Variants in CSMD1 observed in about 807,000 individuals in gnomAD.
CSMD1 encodes the protein CUB and sushi domain-containing protein 1.
A neutral mutation model predicts 417.5 loss-of-function variants in CSMD1; 213 were observed. That is an observed-to-expected ratio of 0.51 (90% confidence interval 0.46 to 0.57). CSMD1 has a LOEUF of 0.57. CSMD1 is among the 20% of genes least tolerant of loss of function. The pLI, the probability that CSMD1 is intolerant of heterozygous loss-of-function variation, is 0.00. For missense variants in CSMD1, 6,923 were observed against 4,529.7 expected (o/e 1.53, Z -15.17); for synonymous variants, 2,862 against 1,736.8 (o/e 1.65, Z -16.11).
At chr8:3,123,032 G>A (rs540481048) in intron 41 of CSMD1, among the ~76,000 whole-genome samples, 3 of 152,288 alleles carry the variant, frequency 2.0e-5, no homozygotes, top group East Asian at 1.9e-4. Flanking sequence ...CTTAAAGGAC[G>A]TAGCTCAAAG....
chr8:3,351,910 C>G (rs1437578907), intron 21 of CSMD1, among the ~76,000 whole-genome samples: 1 of 151,920 alleles, frequency 6.6e-6, no homozygotes, highest in Non-Finnish European at 1.5e-5. Context: ...ATGACTTTTA[C>G]ATCTTTTCTC....
At chr8:3,673,529 T>C (rs1054366564) in intron 7 of CSMD1, among the ~76,000 whole-genome samples, 1 of 152,160 alleles carries the variant, frequency 6.6e-6, no homozygotes, top group South Asian at 2.1e-4. Flanking sequence ...GGAGAAAGTG[T>C]TTGCATCTTC....
rs984137795 is a variant in CSMD1 at position 4,632,224 on chromosome 8, C to T, written c.302+5118G>A. Among the ~76,000 whole-genome samples, 6 of 152,092 alleles carry T rather than the reference C, an allele frequency of 3.9e-5. No homozygotes were observed. In the South Asian group the frequency reaches 6.2e-4, roughly 16 times the overall value. ...AATAATGTAATTCAAAATTGCCCCA[C>T]GAACACTTATTGACGATGTGAAAGT... On this transcript the variant is annotated intron_variant, in intron 2 of 69. Transcript: ENST00000635120.
intron 3 of CSMD1, among the ~76,000 whole-genome samples, chr8:4,239,472 T>C (rs1436738351): frequency 6.6e-6 from 1 of 152,170 alleles, no homozygotes; most frequent in Admixed American, 6.5e-5. Context: ...AGGAGAGATG[T>C]AGCACCCTCA....
At chr8:2,944,032 G>T (rs946322907) in intron 68 of CSMD1, among the ~76,000 whole-genome samples, 3 of 152,100 alleles carry the variant, frequency 2.0e-5, no homozygotes, top group African/African-American at 7.2e-5. Flanking sequence ...TGCTTCAATA[G>T]ATGTAGGATT....
chr8:4,638,673 A>C (rs1802995967), intron 1 of CSMD1, among the ~76,000 whole-genome samples: 1 of 152,200 alleles, frequency 6.6e-6, no homozygotes, highest in Non-Finnish European at 1.5e-5. Context: ...GTCCCTAAGC[A>C]GGACAGCAGG....
At chr8:2,961,256 A>T (rs1209686865) in intron 61 of CSMD1, 42 bp from the exon 62 acceptor site, 3 of 1,265,690 alleles carry the variant, frequency 2.4e-6, no homozygotes, top group Non-Finnish European at 3.4e-6. Flanking sequence ...CACCAGATAT[A>T]GTTATTGTGA....
chr8:4,733,227 A>G (rs747429294), intron 1 of CSMD1, among the ~76,000 whole-genome samples: 20 of 152,224 alleles, frequency 1.3e-4, no homozygotes, highest in Non-Finnish European at 2.4e-4. Context: ...CTAATTCAAA[A>G]AGTTCATTTC....
chr8:3,634,699 T>G (rs974238580), intron 7 of CSMD1, among the ~76,000 whole-genome samples: 4 of 139,064 alleles, frequency 2.9e-5, no homozygotes, highest in Non-Finnish European at 5.9e-5. Flanking sequence ...AAGGTGTGAT[T>G]AGAACTGTGC....
chr8:4,234,906 C>G (rs1318888443), intron 3 of CSMD1, among the ~76,000 whole-genome samples: 1 of 152,244 alleles, frequency 6.6e-6, no homozygotes, highest in Admixed American at 6.5e-5. Context: ...CAGAAATAGA[C>G]CTCTGTGTTG....
chr8:4,472,324 T>C (rs898639361), intron 2 of CSMD1, among the ~76,000 whole-genome samples: 10 of 152,120 alleles, frequency 6.6e-5, no homozygotes, highest in Non-Finnish European at 1.0e-4. Flanking sequence ...AACTTACCAA[T>C]AGTAGAGAAA....
chr8:3,204,980 G>A (rs899311196), intron 31 of CSMD1, among the ~76,000 whole-genome samples: 9 of 152,182 alleles, frequency 5.9e-5, no homozygotes, highest in Non-Finnish European at 1.2e-4. Context: ...GGAATTGGAA[G>A]CAATGTTTAG....
chr8:3,635,812 A>AAAAAAAAAAAAAG (rs1554495065), intron 7 of CSMD1, among the ~76,000 whole-genome samples: 1 of 117,620 alleles, frequency 8.5e-6, no homozygotes, highest in African/African-American at 3.3e-5. Context: ...AAAAAAAAAA[A>AAAAAAAAAAAAAG]AAAGAAAGAA....
chr8:3,829,642 A>T (rs1802257687), intron 5 of CSMD1, among the ~76,000 whole-genome samples: 1 of 152,212 alleles, frequency 6.6e-6, no homozygotes, highest in South Asian at 2.1e-4. Context: ...TGAATTAAGA[A>T]TTAGAGATGT....
chr8:3,298,233 T>C (rs1412628255), intron 25 of CSMD1, among the ~76,000 whole-genome samples: 1 of 152,176 alleles, frequency 6.6e-6, no homozygotes, highest in African/African-American at 2.4e-5. Context: ...CTGGCCTCAG[T>C]GTATACCCAT....
chr8:3,604,766 A>C (rs1801529388), intron 8 of CSMD1, among the ~76,000 whole-genome samples: 1 of 152,034 alleles, frequency 6.6e-6, no homozygotes, highest in African/African-American at 2.4e-5. Context: ...GCATAACCTG[A>C]GTGTGCAGTT....
chr8:3,262,019 G>C (rs538553226), intron 26 of CSMD1, among the ~76,000 whole-genome samples: 4 of 151,760 alleles, frequency 2.6e-5, no homozygotes, highest in African/African-American at 4.8e-5. Context: ...AGTGTGCACA[G>C]GGTCTCTGTT....
chr8:3,646,273 T>C (rs536870429), intron 7 of CSMD1, among the ~76,000 whole-genome samples: 1 of 152,270 alleles, frequency 6.6e-6, no homozygotes, highest in East Asian at 1.9e-4. Context: ...TTAACTGTAA[T>C]TTTTCTCAGT....
At chr8:4,074,676 G>T (rs919005851) in intron 3 of CSMD1, among the ~76,000 whole-genome samples, 3 of 151,744 alleles carry the variant, frequency 2.0e-5, no homozygotes, top group African/African-American at 7.3e-5. Context: ...ACAATGGTAC[G>T]TTAAAATTTT....
Sources: gnomAD v4.1 joint callset for allele counts (sites outside exome capture counted in the v4.1 genomes callset) on GRCh38, gnomAD v4.1.1 for gene constraint, MANE v1.5 for transcripts, NCBI Gene and HGNC (gene_info 2026-07-23, HGNC 2026-07-21) for gene names.